The following TECPR2 variants were observed in gnomAD, a reference collection of about 807,000 sequenced individuals.
TECPR2 encodes tectonin beta-propeller repeat containing 2, also known as tectonin beta-propeller repeat-containing protein 2.
Under a neutral mutation model 138.1 loss-of-function variants are expected in TECPR2, and 65 were observed. The observed-to-expected ratio is 0.47, with a 90% CI of 0.39 to 0.58. The LOEUF is 0.58. Among genes scored for constraint, TECPR2 ranks in the 20% least tolerant of loss-of-function variants. The pLI is 0.00. For missense variants in TECPR2, 1,553 were observed against 1,824.5 expected (o/e 0.85, Z 2.71); for synonymous variants, 746 against 749.8 (o/e 0.99, Z 0.08).
chr14:102,380,010 C>T (rs1214020741), intron 2 of TECPR2, among the ~76,000 whole-genome samples: 1 of 108,408 alleles, frequency 9.2e-6, no homozygotes, highest in East Asian at 2.7e-4. Context: ...TGAAGATCAC[C>T]ATCTTAAAAT....
At chr14:102,416,722 G>A (rs1230482208) in intron 5 of TECPR2, among the ~76,000 whole-genome samples, 7 of 151,936 alleles carry the variant, frequency 4.6e-5, no homozygotes, top group African/African-American at 7.3e-5. Context: ...AGTGGCTCAC[G>A]CCTGTAATCC....
rs1039581834 is a variant in TECPR2, at chr14:102,431,863, A to G, written c.1152A>G (p.Pro384=). 2 of 1,601,986 alleles carry G rather than the reference A, an allele frequency of 1.2e-6. No homozygotes were observed. The highest frequency in any genetic ancestry group is 2.7e-5 in the African/African-American group (2 of 74,698). The change falls in exon 8 of 20, where the codon CCA becomes CCG. Residue 384 remains proline, a synonymous_variant. Transcript: ENST00000359520. ...RVHVQQAEKL[P]GATVSETRLR... is the part of the protein sequence containing the mutation. ...ACGTGCAGCAAGCGGAGAAGCTGCC[A>G]GGGGCCACAGTTTCTGAGACGAGGC...
intron 17 of TECPR2, among the ~76,000 whole-genome samples, chr14:102,475,343 C>T (rs1484302577): frequency 1.3e-5 from 2 of 152,128 alleles, no homozygotes; most frequent in Admixed American, 1.3e-4. Context: ...CAGGCCGGGG[C>T]AGGGAGGGCT....
chr14:102,473,566 C>T (rs901714287), intron 17 of TECPR2, among the ~76,000 whole-genome samples: 1 of 152,208 alleles, frequency 6.6e-6, no homozygotes, highest in Non-Finnish European at 1.5e-5. Context: ...AGTGAAGCCA[C>T]AGAAATCTTT....
intron 9 of TECPR2, chr14:102,437,015 C>T (rs1889687366): frequency 1.0e-6 from 1 of 985,318 alleles, no homozygotes; most frequent in African/African-American, 1.7e-5. Context: ...TCCTCCCTTC[C>T]TCATCCCACT....
At chr14:102,403,754 A>G (rs1323177237) in intron 2 of TECPR2, among the ~76,000 whole-genome samples, 5 of 152,264 alleles carry the variant, frequency 3.3e-5, no homozygotes, top group Non-Finnish European at 7.3e-5. Context: ...AAAGAAATTA[A>G]GAGGAAAATT....
intron 9 of TECPR2, chr14:102,436,939 A>T: frequency 1.0e-6 from 1 of 971,066 alleles, no homozygotes; most frequent in Non-Finnish European, 1.2e-6. Flanking sequence ...TCTAGGCCAG[A>T]AATTTAGGAA....
intron 4 of TECPR2, among the ~76,000 whole-genome samples, chr14:102,409,945 C>T (rs1019652536): frequency 3.3e-5 from 5 of 152,144 alleles, no homozygotes; most frequent in African/African-American, 4.8e-5. Context: ...GCTGGGACTA[C>T]AGGCACCTGC....
Position 102,434,642 on chromosome 14 carries a change from A to C in TECPR2, c.1825A>C (p.Asn609His). 1 of 1,599,880 alleles carries C rather than the reference A, an allele frequency of 6.3e-7. No individual in the cohort carries two copies. Among genetic ancestry groups the C allele is most frequent in the Non-Finnish European group, 8.5e-7 (1 of 1,170,332 alleles). ...DEPCPADDGP[N>H]STQLPFQEQD... ...GCCGTGTCCTGCAGATGATGGACCA[A>C]ATAGCACACAGTTACCCTTCCAAGA... The change falls in exon 9 of 20, where the codon AAT becomes CAT. Residue 609 changes from asparagine (N) to histidine (H), a missense_variant. Asn to His is a moderately conservative substitution (Grantham distance 68, BLOSUM62 1). Transcript: ENST00000359520.
rs17100923 is a variant in TECPR2 at position 102,443,654 on chromosome 14, C to T, written c.2760C>T (p.Ser920=). The T allele has an allele frequency of 0.063, 99,852 of 1,584,288 alleles. 4,232 individuals carry two copies. Among genetic ancestry groups the T allele is most frequent in the African/African-American group, 0.22 (16,099 of 74,414 alleles). ...TTCCCATCTTCCTGGCAGGTCTGAG[C>T]GTGGATCGCCCTTGTGCCAGAGCCG... ...SGDLYLQTGL[S]VDRPCARAVK... is the part of the protein sequence containing the mutation. Residue 920 remains serine (S), a synonymous_variant, in exon 12 of 20, where the codon AGC becomes AGT. Coordinates refer to ENST00000359520, the MANE Select transcript of TECPR2 (RefSeq NM_014844.5). The surrounding 1 kb of genome is among the most constrained non-coding windows in gnomAD (Gnocchi z 4.9).
chr14:102,489,862 C>T (rs1341510488), intron 17 of TECPR2, among the ~76,000 whole-genome samples: 2 of 152,098 alleles, frequency 1.3e-5, no homozygotes, highest in East Asian at 1.9e-4. Flanking sequence ...CGCTCTTGCA[C>T]TCAGCACAGC....
At chr14:102,425,831 C>T (rs531809555) in intron 6 of TECPR2, among the ~76,000 whole-genome samples, 5 of 149,686 alleles carry the variant, frequency 3.3e-5, no homozygotes, top group Non-Finnish European at 7.4e-5. Context: ...GCCTTGGCCT[C>T]CCAAATTGCT....
Position 102,414,623 on chromosome 14 carries a change from CTT to C in TECPR2, c.481-11_481-10del. ...GGCGCTGATGTGAGGTGTAACCAGA[CTT>C]TCTCTGCCAGGGGCTCTGTAACTCC... On this transcript the variant is annotated splice_polypyrimidine_tract_variant and intron_variant, in intron 4 of 19. Coordinates refer to ENST00000359520, the MANE Select transcript of TECPR2 (RefSeq NM_014844.5). The C allele has an allele frequency of 6.2e-7, 1 of 1,613,780 alleles. No individual in the cohort carries two copies.
At chr14:102,458,814 A>G (rs1212464400) in intron 16 of TECPR2, among the ~76,000 whole-genome samples, 1 of 151,626 alleles carries the variant, frequency 6.6e-6, no homozygotes, top group East Asian at 1.9e-4. Context: ...CTGTGCTTCT[A>G]CCTGTCATTT....
intron 1 of TECPR2, among the ~76,000 whole-genome samples, chr14:102,364,997 G>C (rs1409899601): frequency 6.6e-6 from 1 of 152,208 alleles, no homozygotes; most frequent in Non-Finnish European, 1.5e-5. Flanking sequence ...GAAGGGAGCT[G>C]TTACTCAAGA....
intron 17 of TECPR2, among the ~76,000 whole-genome samples, chr14:102,474,651 A>G (rs1890719095): frequency 6.6e-6 from 1 of 152,194 alleles, no homozygotes; most frequent in Admixed American, 6.5e-5. Context: ...TGATCCAGGG[A>G]TTATAAGTGA....
rs1567344131 is a variant in TECPR2, at chr14:102,443,604, TCTGA to T, written c.2753-39_2753-36del. The T allele has an allele frequency of 1.4e-6, 2 of 1,473,848 alleles. No individual in the cohort carries two copies. Among genetic ancestry groups the T allele is most frequent in the Non-Finnish European group, 1.8e-6 (2 of 1,095,860 alleles). The allele number at this position is 1,473,848 out of a possible 1,614,324, so 91.3% of individuals were successfully genotyped here. On this transcript the variant is annotated intron_variant, in intron 11 of 19. Coordinates refer to ENST00000359520, the MANE Select transcript of TECPR2 (RefSeq NM_014844.5). This position sits in a 1 kb window ranked among gnomAD's most constrained non-coding sequence, Gnocchi z 4.9. ...ACCAAGTCAAAATGAGGTGTGGAGT[TCTGA>T]CTGTGTGTCTTTGGGGCTTCTTCCC...
intron 2 of TECPR2, among the ~76,000 whole-genome samples, chr14:102,398,148 TAAAG>T (rs1888371301): frequency 7.4e-6 from 1 of 134,298 alleles, no homozygotes; most frequent in African/African-American, 2.8e-5. Flanking sequence ...TAAATATAAA[TAAAG>T]AGATAGAAAC....
intron 17 of TECPR2, among the ~76,000 whole-genome samples, chr14:102,474,637 A>G (rs1253666297): frequency 2.6e-5 from 4 of 152,204 alleles, no homozygotes; most frequent in Non-Finnish European, 4.4e-5. Flanking sequence ...AAAAAAGACT[A>G]TTTTGATCCA....
Sources: gnomAD v4.1 joint callset for allele counts (sites outside exome capture counted in the v4.1 genomes callset) on GRCh38, gnomAD v4.1.1 for gene constraint, Gnocchi (gnomAD v3.1) non-coding constraint, MANE v1.5 for transcripts, NCBI Gene and HGNC (gene_info 2026-07-23, HGNC 2026-07-21) for gene names.